The following CDK14 variants were observed in gnomAD, a reference collection of about 807,000 sequenced individuals.
CDK14 encodes the protein cyclin-dependent kinase 14.
In CDK14, 34 loss-of-function variants were observed where a neutral mutation model predicts 60.7. The ratio of observed to expected loss-of-function variants is 0.56; its 90% confidence interval spans 0.43 to 0.75. CDK14 has a LOEUF of 0.75. CDK14 is among the 30% of genes least tolerant of loss of function. CDK14 has a pLI of 0.00. For missense variants in CDK14, 482 were observed against 564.1 expected (o/e 0.85, Z 1.47); for synonymous variants, 197 against 203.7 (o/e 0.97, Z 0.28).
At chr7:90,799,908 G>T (rs955981327) in intron 5 of CDK14, among the ~76,000 whole-genome samples, 2 of 152,052 alleles carry the variant, frequency 1.3e-5, no homozygotes, top group Non-Finnish European at 2.9e-5. Flanking sequence ...ATTTATAAAA[G>T]TGATAACACA....
chr7:90,704,458 T>G (rs1012452983), intron 2 of CDK14, among the ~76,000 whole-genome samples: 3 of 152,146 alleles, frequency 2.0e-5, no homozygotes, highest in African/African-American at 7.2e-5. Flanking sequence ...CATGTATGTG[T>G]GTTTATTAGA....
intron 5 of CDK14, among the ~76,000 whole-genome samples, chr7:90,825,269 A>G (rs963304503): frequency 1.3e-5 from 2 of 152,156 alleles, no homozygotes; most frequent in Non-Finnish European, 2.9e-5. Context: ...GATGGTGTTT[A>G]TATGTAAGTG....
intron 2 of CDK14, among the ~76,000 whole-genome samples, chr7:90,691,761 C>T (rs779070202): frequency 5.3e-5 from 8 of 152,164 alleles, no homozygotes; most frequent in African/African-American, 7.2e-5. Context: ...CATCCAACTA[C>T]GGTGGCTGCA....
chr7:91,119,911 TC>T (rs1448148066), intron 14 of CDK14, among the ~76,000 whole-genome samples: 2 of 152,230 alleles, frequency 1.3e-5, no homozygotes, highest in African/African-American at 4.8e-5. Flanking sequence ...GCATTTGTAC[TC>T]CCACTCTGAA....
At chr7:91,192,753 A>G (rs935762158) in intron 14 of CDK14, among the ~76,000 whole-genome samples, 1 of 152,204 alleles carries the variant, frequency 6.6e-6, no homozygotes, top group Non-Finnish European at 1.5e-5. Flanking sequence ...TCCTGTATTA[A>G]TATTAATACA....
intron 8 of CDK14, among the ~76,000 whole-genome samples, chr7:90,934,576 T>A (rs1584140748): frequency 6.6e-6 from 1 of 152,390 alleles, no homozygotes; most frequent in East Asian, 1.9e-4. Flanking sequence ...GTATTTCTTC[T>A]AACTTTGTCA....
rs150535024 is a variant in CDK14, at chr7:90,889,866, TCATAC to T, written c.640-9421_640-9417del. 3.3e-5 allele frequency among the ~76,000 whole-genome samples: 5 copies of T among 152,364 alleles called. No individual in the cohort carries two copies. In the East Asian group the frequency reaches 9.6e-4, roughly 29 times the overall value. The stretch of plus-strand genomic sequence containing the variant: ...TTTGCAGACCATATTGTCTCTATCA[TCATAC>T]CATGTCTTATGATGCAACTTGAGGC... On this transcript the variant is annotated intron_variant, in intron 6 of 14. Coordinates refer to ENST00000380050, the MANE Select transcript of CDK14 (RefSeq NM_001287135.2).
chr7:91,154,203 A>C (rs982769106), intron 14 of CDK14, among the ~76,000 whole-genome samples: 1 of 151,364 alleles, frequency 6.6e-6, no homozygotes, highest in Non-Finnish European at 1.5e-5. Flanking sequence ...GTTATACTTT[A>C]CTTAACTTTT....
intron 5 of CDK14, among the ~76,000 whole-genome samples, chr7:90,828,845 A>T (rs1400627671): frequency 6.6e-6 from 1 of 152,224 alleles, no homozygotes; most frequent in Non-Finnish European, 1.5e-5. Flanking sequence ...ATACAACTAA[A>T]GGTTTTTCAC....
intron 14 of CDK14, among the ~76,000 whole-genome samples, chr7:91,174,176 G>C (rs968770292): frequency 5.3e-5 from 8 of 151,948 alleles, no homozygotes; most frequent in Admixed American, 1.3e-4. Context: ...CTAACTGGGA[G>C]GCACCCCCCA....
At chr7:90,651,421 T>G (rs1800638503) in intron 2 of CDK14, among the ~76,000 whole-genome samples, 1 of 152,084 alleles carries the variant, frequency 6.6e-6, no homozygotes, top group South Asian at 2.1e-4. Context: ...CACATCTCCC[T>G]TTGTGTTTCT....
rs548882811 is a variant in CDK14 at position 90,813,699 on chromosome 7, A to T, written c.544+23047A>T. Among the ~76,000 whole-genome samples the T allele has an allele frequency of 3.9e-5, 6 of 152,214 alleles. No individual in the cohort carries two copies. In the East Asian group the frequency reaches 1.2e-3, roughly 29 times the overall value. On this transcript the variant is annotated intron_variant, in intron 5 of 14. Coordinates refer to ENST00000380050, the MANE Select transcript of CDK14 (RefSeq NM_001287135.2). ...AGGAGGCAGAGGTTGCAGTGAGCTG[A>T]GATCGCGCCACTACACTCCAGCCTG...
chr7:91,034,197 C>T (rs769309134), intron 10 of CDK14, among the ~76,000 whole-genome samples: 1 of 152,102 alleles, frequency 6.6e-6, no homozygotes, highest in Non-Finnish European at 1.5e-5. Context: ...CTAAGTGCTG[C>T]AGCCTCTGAG....
At chr7:90,676,708 GT>G (rs1335298142) in intron 2 of CDK14, among the ~76,000 whole-genome samples, 1 of 151,874 alleles carries the variant, frequency 6.6e-6, no homozygotes, top group South Asian at 2.1e-4. Context: ...AGTTTTGCTC[GT>G]TTTTTTGGTA....
At chr7:91,164,647 A>C (rs1801288197) in intron 14 of CDK14, among the ~76,000 whole-genome samples, 1 of 152,212 alleles carries the variant, frequency 6.6e-6, no homozygotes. Flanking sequence ...CATTGTTGGC[A>C]TAATAGCAGC....
intron 5 of CDK14, among the ~76,000 whole-genome samples, chr7:90,855,844 A>G (rs998915555): frequency 1.3e-5 from 2 of 152,216 alleles, no homozygotes; most frequent in Middle Eastern, 3.2e-3. Flanking sequence ...TGAGTCCACA[A>G]TGTGGAAGTA....
intron 6 of CDK14, among the ~76,000 whole-genome samples, chr7:90,872,994 G>A (rs1035179852): frequency 1.3e-5 from 2 of 152,108 alleles, no homozygotes; most frequent in Non-Finnish European, 2.9e-5. Context: ...AGATAAAACA[G>A]TAATAAAAAG....
intron 7 of CDK14, among the ~76,000 whole-genome samples, chr7:90,916,287 A>G (rs1464793860): frequency 6.6e-6 from 1 of 152,186 alleles, no homozygotes; most frequent in Non-Finnish European, 1.5e-5. Context: ...ATCCAGAGAG[A>G]TGTTTGCATC....
At chr7:90,625,201 G>T (rs143458891) in intron 2 of CDK14, among the ~76,000 whole-genome samples, 2 of 152,092 alleles carry the variant, frequency 1.3e-5, no homozygotes, top group Non-Finnish European at 2.9e-5. Context: ...CTGGCCAGGC[G>T]TGGTGACACA....
Sources: allele counts gnomAD v4.1 joint callset (sites outside exome capture counted in the v4.1 genomes callset), GRCh38; gene constraint gnomAD v4.1.1; transcripts MANE v1.5; gene names NCBI Gene and HGNC (gene_info 2026-07-23, HGNC 2026-07-21).